Variants in SIM2 observed in about 807,000 individuals in gnomAD.
SIM2 encodes SIM bHLH transcription factor 2, also known as single-minded homolog 2.
Under a neutral mutation model 64.8 loss-of-function variants are expected in SIM2, and 28 were observed. The observed-to-expected ratio is 0.43, with a 90% CI of 0.32 to 0.59. SIM2 has a LOEUF of 0.59. Ranked by LOEUF, SIM2 falls within the 20% of genes least tolerant of loss-of-function variation. The pLI, the probability that SIM2 is intolerant of heterozygous loss-of-function variation, is 0.07. For synonymous variants in SIM2, 408 were observed against 391.1 expected, an observed-to-expected ratio of 1.04 and a Z score of -0.51; for missense variants, 847 against 871.4, an observed-to-expected ratio of 0.97 and a Z score of 0.35.
At chr21:36,711,367 G>T (rs771992740) in intron 2 of SIM2, among the ~76,000 whole-genome samples, 3 of 152,190 alleles carry the variant, frequency 2.0e-5, no homozygotes, top group Non-Finnish European at 4.4e-5. Flanking sequence ...AAAATATTTT[G>T]CAGCTGAGTT....
chr21:36,735,754 G>A (rs1043369696), intron 7 of SIM2, among the ~76,000 whole-genome samples: 1 of 152,186 alleles, frequency 6.6e-6, no homozygotes, highest in African/African-American at 2.4e-5. Context: ...TAATATGTCC[G>A]TATCCTCACT....
Position 36,744,859 on chromosome 21 carries a change from G to A in SIM2, c.1299G>A (p.Thr433=). Residue 433 remains threonine (T), a synonymous_variant, in exon 10 of 11, where the codon ACG becomes ACA. Coordinates refer to ENST00000290399, the MANE Select transcript of SIM2 (RefSeq NM_005069.6). The part of the protein sequence containing the change: ...PHSESSDLLY[T]PSYSLPFSYH... The stretch of plus-strand genomic sequence containing the variant: ...CAGAAAGCAGTGACCTTCTGTACAC[G>A]CCATCCTACAGCCTGCCCTTCTCCT... The A allele has an allele frequency of 6.2e-7, 1 of 1,614,204 alleles. No individual in the cohort carries two copies. The highest frequency in any genetic ancestry group is 8.5e-7 in the Non-Finnish European group (1 of 1,180,046).
intron 8 of SIM2, 111 bp downstream of exon 8, chr21:36,741,975 G>C (rs2089167291): frequency 1.8e-6 from 2 of 1,122,668 alleles, no homozygotes; most frequent in Non-Finnish European, 2.4e-6. Flanking sequence ...CTGTTCATTT[G>C]TCTTCTGTTT....
In SIM2 at chr21:36,705,897, C is replaced by T. The variant is rs551675832; in HGVS notation, c.176-3271C>T. 3.9e-5 allele frequency among the ~76,000 whole-genome samples: 6 copies of T among 152,196 alleles called. No individual in the cohort carries two copies. The South Asian group carries it at 1.2e-3, about 32-fold the overall frequency. On this transcript the variant is annotated intron_variant, in intron 1 of 10. Transcript: ENST00000290399. ...GAGAGAATCGTCTAACCTGGTGTTC[C>T]TACCACAGTCCAGGCCCTGTGTCCT...
rs192616807 is a variant in SIM2, at chr21:36,702,712, G to A, written c.175+2791G>A. Among the ~76,000 whole-genome samples, 128 of 152,254 alleles carry A rather than the reference G, an allele frequency of 8.4e-4. 2 individuals are homozygous for A. In the East Asian group the frequency reaches 8.5e-3, roughly 10 times the overall value. On this transcript the variant is annotated intron_variant, in intron 1 of 10. Coordinates refer to ENST00000290399, the MANE Select transcript of SIM2 (RefSeq NM_005069.6). ...GTCTGCGAGGGAGGATATGGCTGCG[G>A]GGTTGGAATAGGATCTGTCTGAGCT...
intron 2 of SIM2, chr21:36,709,516 AG>A: frequency 1.6e-6 from 1 of 628,976 alleles, no homozygotes; most frequent in Non-Finnish European, 2.9e-6. Flanking sequence ...GACCTACGCC[AG>A]GGGCGCCTCC....
Position 36,747,653 on chromosome 21 carries a change from C to T in SIM2, c.1577-12C>T. On this transcript the variant is annotated splice_polypyrimidine_tract_variant and intron_variant, in intron 10 of 10. Coordinates refer to ENST00000290399, the MANE Select transcript of SIM2 (RefSeq NM_005069.6). This position sits in a 1 kb window ranked among gnomAD's most constrained non-coding sequence, Gnocchi z 4.5. ...CCCTTGCTGCCCTCTAACGTGTCGC[C>T]TGTCCCCGCAGCGCCCGCCGCCGCC... 1 of 1,241,488 alleles carries T rather than the reference C, an allele frequency of 8.1e-7. No homozygotes were observed. Among genetic ancestry groups the T allele is most frequent in the Non-Finnish European group, 1.0e-6 (1 of 993,720 alleles). 76.9% of individuals were successfully genotyped at this position (1,241,488 alleles called of 1,614,324 possible). A position where few individuals can be genotyped will look rare whatever the true frequency, so the allele number is the denominator to read the frequency against.
intron 7 of SIM2, among the ~76,000 whole-genome samples, chr21:36,738,557 G>A (rs983823642): frequency 1.3e-5 from 2 of 152,164 alleles, no homozygotes; most frequent in Non-Finnish European, 2.9e-5. Flanking sequence ...CAACCTAATA[G>A]CTATAGAGAA....
intron 7 of SIM2, among the ~76,000 whole-genome samples, chr21:36,740,031 G>GA (rs888109171): frequency 7.4e-6 from 1 of 135,560 alleles, no homozygotes; most frequent in African/African-American, 2.7e-5. Context: ...AAGAAAGAAA[G>GA]AAAGAAAGAA....
In SIM2 at chr21:36,719,868, C is replaced by G; in HGVS notation, c.396C>G (p.Asp132Glu). 1.9e-6 allele frequency: 3 copies of G among 1,613,496 alleles called. No individual in the cohort carries two copies. Among genetic ancestry groups the G allele is most frequent in the African/African-American group, 1.3e-5 (1 of 74,998 alleles). The change falls in exon 4 of 11, where the codon GAC becomes GAG. Residue 132 changes from aspartate (D) to glutamate (E), a missense_variant. Asp to Glu is a conservative substitution (Grantham distance 45). This residue lies in a region of SIM2 where 397 missense variants were observed against 439.2 expected (regional missense o/e 0.90). Coordinates refer to ENST00000290399, the MANE Select transcript of SIM2 (RefSeq NM_005069.6). Reference sequence around the variant, plus strand: ...TTTATGAATACATCCATCCTTCTGACCACGATGAGATGACCGCTGTCCTCA... The same window carrying G: ...TTTATGAATACATCCATCCTTCTGAGCACGATGAGATGACCGCTGTCCTCA... ...NSIYEYIHPSDHDEMTAVLTA... is the reference protein window; with the variant it reads ...NSIYEYIHPSEHDEMTAVLTA...
chr21:36,704,779 G>C (rs920144768), intron 1 of SIM2, among the ~76,000 whole-genome samples: 1 of 152,236 alleles, frequency 6.6e-6, no homozygotes, highest in African/African-American at 2.4e-5. Flanking sequence ...GGCCAGGCTA[G>C]GAGCCTCCTT....
At chr21:36,737,410 T>C (rs1179464906) in intron 7 of SIM2, among the ~76,000 whole-genome samples, 4 of 152,094 alleles carry the variant, frequency 2.6e-5, no homozygotes, top group Non-Finnish European at 5.9e-5. Flanking sequence ...TGGGAGACTT[T>C]TTCTTGTATG....
At position 36,744,871 on chromosome 21, in the gene SIM2, C is replaced by A. The variant is rs1202748404; in HGVS notation, c.1311C>A (p.Ser437Arg). 6.2e-7 allele frequency: 1 copy of A among 1,614,272 alleles called. No individual in the cohort carries two copies. Among genetic ancestry groups the A allele is most frequent in the Non-Finnish European group, 8.5e-7 (1 of 1,180,042 alleles). ...ACCTTCTGTACACGCCATCCTACAG[C>A]CTGCCCTTCTCCTACCATTACGGAC... ...SSDLLYTPSYSLPFSYHYGHF... is the reference protein window; with the variant it reads ...SSDLLYTPSYRLPFSYHYGHF... Residue 437 changes from serine to arginine, a missense_variant, in exon 10 of 11, where the codon AGC (serine) becomes AGA (arginine). Transcript: ENST00000290399.
Position 36,699,603 on chromosome 21 carries a change from A to G in SIM2, c.-144A>G. 1 of 783,608 alleles carries G rather than the reference A, an allele frequency of 1.3e-6. No homozygotes were observed. The highest frequency in any genetic ancestry group is 2.3e-5 in the South Asian group (1 of 42,632). The allele number at this position is 783,608 out of a possible 1,614,324, so 48.5% of individuals were successfully genotyped here. ...CGGGGAGGCGTCTCGGAACCCCGGG[A>G]GGCCCCCCGCACCTGCCCGCGGCCC... On this transcript the variant is annotated 5_prime_UTR_variant, in exon 1 of 11. Coordinates refer to ENST00000290399, the MANE Select transcript of SIM2 (RefSeq NM_005069.6). This position sits in a 1 kb window ranked among gnomAD's most constrained non-coding sequence, Gnocchi z 5.6.
At chr21:36,743,658 G>A (rs2123504724) in intron 9 of SIM2, 103 bp downstream of exon 9, 1 of 1,157,340 alleles carries the variant, frequency 8.6e-7, no homozygotes, top group Non-Finnish European at 1.2e-6. Context: ...GCACAGCAGG[G>A]ATCTCCCTGC....
At position 36,745,170 on chromosome 21, in the gene SIM2, G is replaced by C; in HGVS notation, c.1576+34G>C. The C allele has an allele frequency of 6.3e-7, 1 of 1,585,466 alleles. No individual in the cohort carries two copies. Among genetic ancestry groups the C allele is most frequent in the Non-Finnish European group, 8.6e-7 (1 of 1,165,570 alleles). On this transcript the variant is annotated intron_variant, in intron 10 of 10. Transcript: ENST00000290399. The surrounding 1 kb of genome is among the most constrained non-coding windows in gnomAD (Gnocchi z 4.8). ...GGTCTGCTCGTGGGGAAGGTGGGAG[G>C]ACTGCGCACGGCCGGGAGCCGAAGC...
In SIM2 at chr21:36,708,648, A is replaced by G. The variant is rs373866027; in HGVS notation, c.176-520A>G. 5.2e-4 allele frequency among the ~76,000 whole-genome samples: 79 copies of G among 152,050 alleles called. No homozygotes were observed. In the East Asian group the frequency reaches 8.0e-3, roughly 15 times the overall value. On this transcript the variant is annotated intron_variant, in intron 1 of 10. Transcript: ENST00000290399. ...AGGGGTAGCGTGTAGGGGGTTTTTT[A>G]TGCGGGAGGAGCTGCCTCCTGGGCG...
At position 36,743,303 on chromosome 21, in the gene SIM2, C is replaced by T. The variant is rs908040553; in HGVS notation, c.999-84C>T. On this transcript the variant is annotated intron_variant, in intron 8 of 10. Transcript: ENST00000290399. ...AAAAGACACACTGGAGCACTGAGAACGCCCTGCCCAAGGGCTGGGGCCAGG... is the reference window on the plus strand; with the variant it reads ...AAAAGACACACTGGAGCACTGAGAATGCCCTGCCCAAGGGCTGGGGCCAGG... 5.8e-6 allele frequency: 7 copies of T among 1,212,950 alleles called. No homozygotes were observed. In the African/African-American group the frequency reaches 6.1e-5, roughly 11 times the overall value. 75.1% of individuals were successfully genotyped at this position (1,212,950 alleles called of 1,614,324 possible). A position where few individuals can be genotyped will look rare whatever the true frequency, so the allele number is the denominator to read the frequency against.
intron 7 of SIM2, among the ~76,000 whole-genome samples, chr21:36,736,462 A>C (rs928983319): frequency 6.6e-6 from 1 of 152,208 alleles, no homozygotes; most frequent in African/African-American, 2.4e-5. Flanking sequence ...CACTGGGAGC[A>C]AGAGTCCACA....
Sources: allele counts gnomAD v4.1 joint callset (sites outside exome capture counted in the v4.1 genomes callset), GRCh38; gene constraint gnomAD v4.1.1; regional missense constraint gnomAD v4.1.1; non-coding constraint Gnocchi (gnomAD v3.1); transcripts MANE v1.5; gene names NCBI Gene and HGNC (gene_info 2026-07-23, HGNC 2026-07-21).